CNTNAP1: variants seen among roughly 807,000 people sequenced by gnomAD.
CNTNAP1 encodes contactin associated protein 1.
A neutral mutation model predicts 161.5 loss-of-function variants in CNTNAP1; 80 were observed. The ratio of observed to expected loss-of-function variants is 0.50; its 90% confidence interval spans 0.41 to 0.60. CNTNAP1 has a LOEUF of 0.60. Among genes scored for constraint, CNTNAP1 ranks in the 20% least tolerant of loss-of-function variants. The pLI, the probability that CNTNAP1 is intolerant of heterozygous loss-of-function variation, is 0.00. For synonymous variants in CNTNAP1, 695 were observed against 733.1 expected (o/e 0.95, Z 0.84); for missense variants, 1,464 against 1,854.8 (o/e 0.79, Z 3.87).
Position 42,696,136 on chromosome 17 carries a change from G to A in CNTNAP1, c.3458G>A (p.Arg1153Gln), listed in dbSNP as rs940735813. Residue 1153 changes from arginine to glutamine, a missense_variant, in exon 20 of 24, where the codon CGG (arginine) becomes CAG (glutamine). Arg to Gln is a conservative substitution (Grantham distance 43, BLOSUM62 1). Transcript: ENST00000264638. Reference sequence around the variant, plus strand: ...AGCATCAATATCACCCGTGTTTACCGGAACCTCTTCATCCAGGTATGCATA... The same window carrying A: ...AGCATCAATATCACCCGTGTTTACCAGAACCTCTTCATCCAGGTATGCATA... ...PHSINITRVY[R>Q]NLFIQVDYFP... The A allele has an allele frequency of 8.7e-6, 14 of 1,613,944 alleles. No homozygotes were observed. Among genetic ancestry groups the A allele is most frequent in the Admixed American group, 6.7e-5 (4 of 59,988 alleles).
At chr17:42,686,207 C>G in intron 6 of CNTNAP1, 66 bp downstream of exon 6, 1 of 1,475,778 alleles carries the variant, frequency 6.8e-7, no homozygotes, top group Admixed American at 1.7e-5. Flanking sequence ...GCAGGTCGGT[C>G]TCTCCCTTTC....
chr17:42,693,683 G>A (rs1247837266), intron 18 of CNTNAP1, 147 bp downstream of exon 18: 1 of 1,209,764 alleles, frequency 8.3e-7, no homozygotes, highest in Middle Eastern at 2.5e-4. Context: ...GGGGAGTTAG[G>A]CAGTTGAAGA....
rs552278387 is a variant in CNTNAP1 at position 42,690,122 on chromosome 17, C to T, written c.1770C>T (p.Leu590=). The change falls in exon 12 of 24, where the codon CTC becomes CTT. Residue 590 remains leucine, a synonymous_variant. Transcript: ENST00000264638. ...LYKESCEAYR[L]SGKTSGNFTI... ...AGGAATCCTGTGAGGCTTATCGGCTCAGTGGGAAAACTTCTGGAAACTTCA... is the reference window on the plus strand; with the variant it reads ...AGGAATCCTGTGAGGCTTATCGGCTTAGTGGGAAAACTTCTGGAAACTTCA... 1.0e-4 allele frequency: 167 copies of T among 1,614,030 alleles called. 3 individuals carry two copies. Among genetic ancestry groups the T allele is most frequent in the East Asian group, 5.3e-4 (24 of 44,882 alleles).
Position 42,685,895 on chromosome 17 carries a change from G to C in CNTNAP1, c.716-62G>C. 6.4e-7 allele frequency: 1 copy of C among 1,570,418 alleles called. No homozygotes were observed. The highest frequency in any genetic ancestry group is 8.7e-7 in the Non-Finnish European group (1 of 1,146,696). On this transcript the variant is annotated intron_variant, in intron 5 of 23. Transcript: ENST00000264638. The surrounding 1 kb of genome is among the most constrained non-coding windows in gnomAD (Gnocchi z 5.0). ...TGTTACACGCTGCTGCTCTGCCTAG[G>C]AGCTTGGACTCCATGGAGTTCTCCT...
rs368166689 is a variant in CNTNAP1, at chr17:42,692,630, C to T, written c.2662C>T (p.Arg888Trp). 2.6e-5 allele frequency: 42 copies of T among 1,614,072 alleles called. No homozygotes were observed. The highest frequency in any genetic ancestry group is 1.6e-4 in the Middle Eastern group (1 of 6,084). The change falls in exon 17 of 24, where the codon CGG becomes TGG. Residue 888 changes from arginine to tryptophan, a missense_variant. Transcript: ENST00000264638. ...VRAEINVKQA[R>W]LRVDHRPWVL... Reference sequence around the variant, plus strand: ...GGCTGAAATCAACGTGAAGCAGGCCCGGCTCCGAGTGGATCACCGGCCCTG... The same window carrying T: ...GGCTGAAATCAACGTGAAGCAGGCCTGGCTCCGAGTGGATCACCGGCCCTG...
chr17:42,691,123 C>T lies in CNTNAP1; in HGVS notation c.2060-14C>T. On this transcript the variant is annotated splice_polypyrimidine_tract_variant and intron_variant, in intron 13 of 23. Transcript: ENST00000264638. This position sits in a 1 kb window ranked among gnomAD's most constrained non-coding sequence, Gnocchi z 4.3. ...AGGGACAGGGCCTGGAAGCTGCCTG[C>T]ACCTCTTCCCCAGGAGGCTACCCCT... is the stretch of plus-strand genomic sequence containing the variant. 6.2e-7 allele frequency: 1 copy of T among 1,612,818 alleles called. No individual in the cohort carries two copies. The highest frequency in any genetic ancestry group is 1.3e-5 in the African/African-American group (1 of 75,054).
At position 42,687,239 on chromosome 17, in the gene CNTNAP1, G is replaced by C; in HGVS notation, c.1044+193G>C. On this transcript the variant is annotated intron_variant, in intron 7 of 23. Coordinates refer to ENST00000264638, the MANE Select transcript of CNTNAP1 (RefSeq NM_003632.3). The surrounding 1 kb of genome is among the most constrained non-coding windows in gnomAD (Gnocchi z 4.7). ...CACGCAGGCCCCTAGTTAAGAAGCA[G>C]TGGTCGGGTCCAATCACCTTCTTAG... The C allele has an allele frequency of 1.5e-6, 1 of 675,790 alleles. No individual in the cohort carries two copies. Among genetic ancestry groups the C allele is most frequent in the East Asian group, 2.8e-5 (1 of 36,058 alleles). The allele number at this position is 675,790 out of a possible 1,614,324, so 41.9% of individuals were successfully genotyped here.
chr17:42,693,219 A>G (rs2053112983), intron 17 of CNTNAP1, 78 bp from the exon 18 acceptor site: 42 of 1,561,906 alleles, frequency 2.7e-5, no homozygotes, highest in Non-Finnish European at 3.3e-5. Context: ...TCGGCCTCCC[A>G]AAGTGCTGGG....
At chr17:42,698,050 G>A in intron 23 of CNTNAP1, 100 bp downstream of exon 23, 4 of 1,275,814 alleles carry the variant, frequency 3.1e-6, no homozygotes, top group Non-Finnish European at 4.6e-6. Flanking sequence ...GATGGCAAAG[G>A]CACTAGATGC....
chr17:42,694,838 G>A (rs565737759), intron 18 of CNTNAP1, among the ~76,000 whole-genome samples: 3 of 152,262 alleles, frequency 2.0e-5, no homozygotes, highest in South Asian at 4.1e-4. Flanking sequence ...TGGCCTATAG[G>A]GAGGATATAT....
chr17:42,686,992 C>A lies in CNTNAP1; in HGVS notation c.990C>A (p.Asn330Lys). 1 of 1,614,084 alleles carries A rather than the reference C, an allele frequency of 6.2e-7. No individual in the cohort carries two copies. Among genetic ancestry groups the A allele is most frequent in the Non-Finnish European group, 8.5e-7 (1 of 1,179,968 alleles). The change falls in exon 7 of 24, where the codon AAC becomes AAA. Residue 330 changes from asparagine (N) to lysine (K), a missense_variant. Around this residue, in one of 3 missense-constraint regions of CNTNAP1, gnomAD observed 1,383 missense variants for 1,765.0 expected, o/e 0.78. Coordinates refer to ENST00000264638, the MANE Select transcript of CNTNAP1 (RefSeq NM_003632.3). Reference protein sequence around the residue: ...FRGCIENVIFNRVNIADLAVR... With the variant: ...FRGCIENVIFKRVNIADLAVR... ...GCTGCATAGAAAACGTAATCTTCAA[C>A]CGCGTCAACATCGCAGACCTGGCCG...
At chr17:42,698,430 T>C (rs2053177888) in intron 23 of CNTNAP1, among the ~76,000 whole-genome samples, 188 bp from the exon 24 acceptor site, 1 of 150,708 alleles carries the variant, frequency 6.6e-6, no homozygotes, top group South Asian at 2.1e-4. Context: ...ACATTATGCT[T>C]TTGGCCAAAA....
intron 20 of CNTNAP1, among the ~76,000 whole-genome samples, chr17:42,696,593 G>A (rs186052289): frequency 1.3e-5 from 2 of 152,260 alleles, no homozygotes; most frequent in African/African-American, 2.4e-5. Flanking sequence ...AAAGTGCTGG[G>A]ATTATAAGCG....
rs2053037292 is a variant in CNTNAP1 at position 42,687,866 on chromosome 17, T to C, written c.1191T>C (p.Leu397=). The change falls in exon 8 of 24, where the codon CTT becomes CTC. Residue 397 remains leucine (L), a synonymous_variant. Transcript: ENST00000264638. The surrounding 1 kb of genome is among the most constrained non-coding windows in gnomAD (Gnocchi z 4.7). ...FRFRTWDLTG[L]LLFSRLGDGL... ...TCCGCACCTGGGACCTCACCGGGCT[T>C]CTCCTTTTCTCCCGTCTGGGGGACG... 27 of 1,614,110 alleles carry C rather than the reference T, an allele frequency of 1.7e-5. No homozygotes were observed. The highest frequency in any genetic ancestry group is 2.2e-5 in the Non-Finnish European group (26 of 1,180,006).
In CNTNAP1 at chr17:42,689,485, T is replaced by C. The variant is rs1567972381; in HGVS notation, c.1629-36T>C. The C allele has an allele frequency of 1.9e-6, 3 of 1,546,098 alleles. No homozygotes were observed. In the Admixed American group the frequency reaches 5.1e-5, roughly 26 times the overall value. On this transcript the variant is annotated intron_variant, in intron 10 of 23. Transcript: ENST00000264638. ...TCAGACCCCACTCTCCAGCTCCCAG[T>C]AAGGCTCCTTCCCTTGGTCCTGACC...
At position 42,687,980 on chromosome 17, in the gene CNTNAP1, T is replaced by C; in HGVS notation, c.1305T>C (p.Ala435=). 1 of 1,611,570 alleles carries C rather than the reference T, an allele frequency of 6.2e-7. No individual in the cohort carries two copies. The highest frequency in any genetic ancestry group is 1.1e-5 in the South Asian group (1 of 90,994). The part of the protein sequence containing the change: ...QSGRKKLQFA[A]GYRLNDGFWH... Reference sequence around the variant, plus strand: ...GCCGAAAGAAGCTTCAGTTCGCTGCTGGTGAGGGCGTTTCGGGGGAGGCAC... The same window carrying C: ...GCCGAAAGAAGCTTCAGTTCGCTGCCGGTGAGGGCGTTTCGGGGGAGGCAC... Residue 435 remains alanine, a splice_region_variant and synonymous_variant, in exon 8 of 24, where the codon GCT becomes GCC. Transcript: ENST00000264638. This position sits in a 1 kb window ranked among gnomAD's most constrained non-coding sequence, Gnocchi z 4.7.
Position 42,697,538 on chromosome 17 carries a change from C to T in CNTNAP1, c.3569-16C>T, listed in dbSNP as rs370916451. 2 of 1,613,408 alleles carry T rather than the reference C, an allele frequency of 1.2e-6. No individual in the cohort carries two copies. The highest frequency in any genetic ancestry group is 1.7e-6 in the Non-Finnish European group (2 of 1,179,600). ...TTGGGTCCAAGTCCCTCTTTCTGGG[C>T]CTGCCTCTCTCTCAGAGACAGGAGT... On this transcript the variant is annotated splice_polypyrimidine_tract_variant and intron_variant, in intron 21 of 23. Coordinates refer to ENST00000264638, the MANE Select transcript of CNTNAP1 (RefSeq NM_003632.3).
At position 42,682,784 on chromosome 17, in the gene CNTNAP1, C is replaced by T; in HGVS notation, c.-46C>T. Reference sequence around the variant, plus strand: ...GCCCAAGCCAGAACTCGAGCCCTAGCCGGAGCCGTTCACAGGGAGGCGGCT... The same window carrying T: ...GCCCAAGCCAGAACTCGAGCCCTAGTCGGAGCCGTTCACAGGGAGGCGGCT... On this transcript the variant is annotated 5_prime_UTR_variant, in exon 1 of 24. Transcript: ENST00000264638. The T allele has an allele frequency of 6.5e-7, 1 of 1,541,892 alleles. No homozygotes were observed.
At position 42,689,646 on chromosome 17, in the gene CNTNAP1, G is replaced by T. The variant is rs764516354; in HGVS notation, c.1735+19G>T. ...CACACACGTAAGCCAGATGTGGTAT[G>T]GGGGGAGTCAGGGACAAGGGAGGTC... On this transcript the variant is annotated intron_variant, in intron 11 of 23. Transcript: ENST00000264638. 41 of 1,600,462 alleles carry T rather than the reference G, an allele frequency of 2.6e-5. 1 individual carries two copies. Among genetic ancestry groups the T allele is most frequent in the Middle Eastern group, 1.7e-4 (1 of 6,050 alleles).
Sources: allele counts gnomAD v4.1 joint callset (sites outside exome capture counted in the v4.1 genomes callset), GRCh38; gene constraint gnomAD v4.1.1; regional missense constraint gnomAD v4.1.1; non-coding constraint Gnocchi (gnomAD v3.1); transcripts MANE v1.5; gene names NCBI Gene and HGNC (gene_info 2026-07-23, HGNC 2026-07-21).